ADAMTSL3: variants seen among roughly 807,000 people sequenced by gnomAD.
ADAMTSL3 encodes ADAMTS like 3.
In ADAMTSL3, 128 loss-of-function variants were observed where a neutral mutation model predicts 201.7. The observed-to-expected ratio is 0.63, with a 90% CI of 0.55 to 0.73. ADAMTSL3 has a LOEUF of 0.73. ADAMTSL3 is among the 30% of genes least tolerant of loss of function. The probability of loss-of-function intolerance (pLI) is 0.00; values close to 1 mark genes in which losing one functional copy is unlikely to be tolerated. For missense variants in ADAMTSL3, 1,990 were observed against 2,119.6 expected, an observed-to-expected ratio of 0.94 and a Z score of 1.20; for synonymous variants, 738 against 748.4, an observed-to-expected ratio of 0.99 and a Z score of 0.23.
At chr15:83,713,231 C>T (rs1234374653) in intron 3 of ADAMTSL3, among the ~76,000 whole-genome samples, 1 of 152,180 alleles carries the variant, frequency 6.6e-6, no homozygotes. Context: ...TGAAATACAG[C>T]CTCATGTAGT....
intron 20 of ADAMTSL3, among the ~76,000 whole-genome samples, chr15:83,977,112 C>A (rs892322181): frequency 1.3e-5 from 2 of 152,126 alleles, no homozygotes; most frequent in African/African-American, 4.8e-5. Flanking sequence ...GTCAGATCAG[C>A]AGCGGCATTA....
chr15:83,850,589 G>T (rs993712760), intron 7 of ADAMTSL3, among the ~76,000 whole-genome samples: 1 of 150,890 alleles, frequency 6.6e-6, no homozygotes, highest in African/African-American at 2.4e-5. Flanking sequence ...ACTCTTTATC[G>T]CCAAGTCTTG....
At chr15:83,990,653 C>T (rs1050366690) in intron 22 of ADAMTSL3, among the ~76,000 whole-genome samples, 1 of 152,156 alleles carries the variant, frequency 6.6e-6, no homozygotes, top group African/African-American at 2.4e-5. Flanking sequence ...TCAGGTAGTC[C>T]CAAGCCCCAG....
chr15:83,822,528 G>T (rs558015158), intron 6 of ADAMTSL3, among the ~76,000 whole-genome samples: 15,050 of 141,054 alleles, frequency 0.11, 1,123 homozygotes, highest in South Asian at 0.23. Flanking sequence ...GGTTGCGGCC[G>T]GGTAGAGGCG....
At chr15:83,700,589 C>G (rs368723298) in intron 2 of ADAMTSL3, among the ~76,000 whole-genome samples, 1 of 152,082 alleles carries the variant, frequency 6.6e-6, no homozygotes, top group Admixed American at 6.6e-5. Flanking sequence ...CATGGTGAAA[C>G]CCCGTCTCTA....
At chr15:83,845,120 C>T (rs2064469022) in intron 7 of ADAMTSL3, among the ~76,000 whole-genome samples, 1 of 152,242 alleles carries the variant, frequency 6.6e-6, no homozygotes, top group Non-Finnish European at 1.5e-5. Flanking sequence ...TCTTTCTCAA[C>T]GTTGAGCACA....
intron 4 of ADAMTSL3, among the ~76,000 whole-genome samples, chr15:83,792,698 G>A (rs774460074): frequency 4.0e-5 from 6 of 151,830 alleles, no homozygotes; most frequent in African/African-American, 7.3e-5. Context: ...CAGGAGAATC[G>A]CTTGAACCTG....
intron 7 of ADAMTSL3, among the ~76,000 whole-genome samples, chr15:83,853,375 A>G (rs907270828): frequency 3.3e-5 from 5 of 152,152 alleles, no homozygotes; most frequent in African/African-American, 1.2e-4. Flanking sequence ...CTTCAGTCAT[A>G]CGGTGCTGAC....
chr15:83,959,368 G>T (rs544931794), intron 19 of ADAMTSL3, among the ~76,000 whole-genome samples: 2 of 152,310 alleles, frequency 1.3e-5, no homozygotes, highest in East Asian at 3.9e-4. Context: ...GGCAGAGTTT[G>T]CAATGAGCTG....
At chr15:83,888,603 G>A (rs528344082) in intron 10 of ADAMTSL3, among the ~76,000 whole-genome samples, 30 of 152,222 alleles carry the variant, frequency 2.0e-4, no homozygotes, top group East Asian at 1.7e-3. Context: ...CTAAGGTACC[G>A]GGGGTACTTG....
At chr15:83,849,610 C>A (rs530044318) in intron 7 of ADAMTSL3, among the ~76,000 whole-genome samples, 55 of 152,312 alleles carry the variant, frequency 3.6e-4, no homozygotes, top group African/African-American at 1.3e-3. Flanking sequence ...ACTGTACTTA[C>A]AATTGCTTCC....
intron 5 of ADAMTSL3, among the ~76,000 whole-genome samples, chr15:83,805,301 TA>T (rs1462660954): frequency 6.6e-6 from 1 of 152,212 alleles, no homozygotes; most frequent in African/African-American, 2.4e-5. Context: ...CTCATGCCTG[TA>T]ATCCTAGCAC....
chr15:83,989,866 G>C (rs889738869), intron 22 of ADAMTSL3, among the ~76,000 whole-genome samples: 1 of 152,112 alleles, frequency 6.6e-6, no homozygotes, highest in Non-Finnish European at 1.5e-5. Context: ...TTAATTAAAC[G>C]TTAACTTTGC....
At chr15:83,872,430 AT>A (rs1222055717) in intron 9 of ADAMTSL3, among the ~76,000 whole-genome samples, 1 of 152,022 alleles carries the variant, frequency 6.6e-6, no homozygotes, top group Non-Finnish European at 1.5e-5. Flanking sequence ...TCCTTAAAGC[AT>A]TGATCCAATA....
intron 3 of ADAMTSL3, among the ~76,000 whole-genome samples, chr15:83,718,432 A>G (rs973472503): frequency 6.6e-5 from 10 of 152,160 alleles, no homozygotes; most frequent in Admixed American, 1.3e-4. Context: ...AGCCAGGCGC[A>G]GTGGCTCACA....
intron 4 of ADAMTSL3, among the ~76,000 whole-genome samples, chr15:83,799,367 A>T (rs2063482204): frequency 6.6e-6 from 1 of 152,130 alleles, no homozygotes. Context: ...TCAGAATTTG[A>T]TTACTTTAAA....
At chr15:83,875,549 C>T (rs1410930872) in intron 9 of ADAMTSL3, among the ~76,000 whole-genome samples, 1 of 152,176 alleles carries the variant, frequency 6.6e-6, no homozygotes, top group African/African-American at 2.4e-5. Flanking sequence ...CTTTGGGAGG[C>T]TGAGGCAGGC....
At chr15:84,032,229 G>A (rs759901208) in intron 28 of ADAMTSL3, among the ~76,000 whole-genome samples, 7 of 152,216 alleles carry the variant, frequency 4.6e-5, no homozygotes, top group Non-Finnish European at 8.8e-5. Flanking sequence ...GAAACACGAG[G>A]CAGCCTGGGT....
intron 2 of ADAMTSL3, among the ~76,000 whole-genome samples, chr15:83,691,547 T>C (rs919705468): frequency 6.6e-6 from 1 of 152,238 alleles, no homozygotes; most frequent in African/African-American, 2.4e-5. Context: ...TTGTGTGATT[T>C]TCCAAATATC....
Sources: gnomAD v4.1 joint callset for allele counts (sites outside exome capture counted in the v4.1 genomes callset) on GRCh38, gnomAD v4.1.1 for gene constraint, MANE v1.5 for transcripts, NCBI Gene and HGNC (gene_info 2026-07-23, HGNC 2026-07-21) for gene names.